Variants in LPIN2 observed in about 807,000 individuals in gnomAD.
LPIN2 encodes phosphatidate phosphatase LPIN2.
LPIN2 carries 55 observed loss-of-function variants against 111.4 expected under a neutral mutation model. The observed-to-expected ratio is 0.49, with a 90% confidence interval of 0.40 to 0.62. LPIN2 has a LOEUF of 0.62. Ranked by LOEUF, LPIN2 falls within the 20% of genes least tolerant of loss-of-function variation. The pLI, the probability that LPIN2 is intolerant of heterozygous loss-of-function variation, is 0.00. For missense variants in LPIN2, 992 were observed against 1,112.1 expected (o/e 0.89, Z 1.54); for synonymous variants, 425 against 414.0 (o/e 1.03, Z -0.32).
intron 1 of LPIN2, among the ~76,000 whole-genome samples, chr18:3,009,507 C>T (rs939156611): frequency 2.6e-5 from 4 of 151,924 alleles, no homozygotes; most frequent in Admixed American, 6.5e-5. Context: ...GACACAATCT[C>T]GGCTCACTGC....
chr18:2,954,354 C>CT, intron 3 of LPIN2, 150 bp downstream of exon 3: 1 of 664,854 alleles, frequency 1.5e-6, no homozygotes, highest in Non-Finnish European at 2.7e-6. Context: ...TTTTTGACAG[C>CT]TTAGTTCTTC....
intron 12 of LPIN2, 88 bp from the exon 13 acceptor site, chr18:2,926,893 C>T: frequency 3.1e-6 from 3 of 980,210 alleles, no homozygotes; most frequent in Middle Eastern, 2.0e-4. Flanking sequence ...GGAAAGAACA[C>T]AACTGCCTTC....
intron 2 of LPIN2, among the ~76,000 whole-genome samples, chr18:2,959,051 T>C (rs900504389): frequency 3.3e-5 from 5 of 152,352 alleles, no homozygotes; most frequent in African/African-American, 1.2e-4. Flanking sequence ...GAAAGTACTA[T>C]TGGTGTTACC....
rs1450191457 is a variant in LPIN2 at position 2,917,230 on chromosome 18, TC to T, written c.*3062del. The T allele has an allele frequency of 6.6e-6, 1 of 152,202 alleles. No individual in the cohort carries two copies. Among genetic ancestry groups the T allele is most frequent in the Admixed American group, 6.5e-5 (1 of 15,270 alleles). 9.4% of individuals were successfully genotyped at this position (152,202 alleles called of 1,614,324 possible). A position where few individuals can be genotyped will look rare whatever the true frequency, so the allele number is the denominator to read the frequency against. ...ATTATTAAAAGAGCAAAGTTTCCCC[TC>T]CCTTTCTTACTTTCAAACAAAACCA... On this transcript the variant is annotated 3_prime_UTR_variant, in exon 20 of 20. Transcript: ENST00000677752.
chr18:2,972,807 T>C (rs970420973), intron 1 of LPIN2, among the ~76,000 whole-genome samples: 1 of 152,214 alleles, frequency 6.6e-6, no homozygotes, highest in Non-Finnish European at 1.5e-5. Flanking sequence ...TCTTTAATGC[T>C]TCTCCCTTCA....
intron 1 of LPIN2, among the ~76,000 whole-genome samples, chr18:3,009,734 C>T (rs2078571204): frequency 2.0e-5 from 3 of 152,218 alleles, no homozygotes; most frequent in Non-Finnish European, 4.4e-5. Flanking sequence ...AACCACCGCA[C>T]CCAGCCTTCT....
At chr18:2,954,438 C>T (rs1336507968) in intron 3 of LPIN2, 66 bp downstream of exon 3, 3 of 1,117,278 alleles carry the variant, frequency 2.7e-6, no homozygotes, top group South Asian at 1.2e-5. Context: ...CTAAACGGTC[C>T]GTCTGGGCCA....
In LPIN2 at chr18:2,918,855, G is replaced by C. The variant is rs1305038176; in HGVS notation, c.*1438C>G. 1.3e-5 allele frequency: 2 copies of C among 152,312 alleles called. No homozygotes were observed. Among genetic ancestry groups the C allele is most frequent in the East Asian group, 3.9e-4 (2 of 5,190 alleles). The allele number at this position is 152,312 out of a possible 1,614,324, so 9.4% of individuals were successfully genotyped here. A position where few individuals can be genotyped will look rare whatever the true frequency, so the allele number is the denominator to read the frequency against. ...ATGTAGAGGTTCCACTACAACGGCA[G>C]GGGCATGAAGAGTTGGCCACGAGAC... On this transcript the variant is annotated 3_prime_UTR_variant, in exon 20 of 20. Transcript: ENST00000677752.
intron 1 of LPIN2, among the ~76,000 whole-genome samples, chr18:2,980,950 A>T (rs2078101383): frequency 6.6e-6 from 1 of 152,230 alleles, no homozygotes; most frequent in Non-Finnish European, 1.5e-5. Flanking sequence ...GGTTATTTGA[A>T]TATAAAATAA....
Position 2,988,012 on chromosome 18 carries a change from C to CAAAAAAAAAAAA in LPIN2, c.-10+25063_-10+25074dup, listed in dbSNP as rs761121515. Among the ~76,000 whole-genome samples, 292 of 32,344 alleles carry CAAAAAAAAAAAA rather than the reference C, an allele frequency of 9.0e-3. 17 individuals are homozygous for CAAAAAAAAAAAA. The highest frequency in any genetic ancestry group is 0.025 in the Middle Eastern group (1 of 40). The allele number at this position is 32,344 out of a possible 152,430, so 21.2% of individuals were successfully genotyped here. On this transcript the variant is annotated intron_variant, in intron 1 of 19. Transcript: ENST00000677752. ...TGGGCGACAGAGTGAGAGACTGTCT[C>CAAAAAAAAAAAA]AAAAAAAAAAAAAAAAAAAAAAAAA...
At chr18:2,975,043 G>A (rs564020380) in intron 1 of LPIN2, among the ~76,000 whole-genome samples, 8 of 152,108 alleles carry the variant, frequency 5.3e-5, no homozygotes, top group African/African-American at 1.2e-4. Context: ...GCCATTTTAC[G>A]TACCTCATCT....
At chr18:2,999,613 A>AG (rs2143465049) in intron 1 of LPIN2, among the ~76,000 whole-genome samples, 1 of 151,104 alleles carries the variant, frequency 6.6e-6, no homozygotes, top group East Asian at 2.0e-4. Context: ...CAAAAAGAAA[A>AG]AAAAAAAAGA....
At chr18:2,967,578 C>T (rs1358597305) in intron 1 of LPIN2, 2 of 152,202 alleles carry the variant, frequency 1.3e-5, no homozygotes, top group African/African-American at 2.4e-5. Flanking sequence ...ACAGTGTGCC[C>T]ACCAGATGCT....
At chr18:2,933,436 C>A (rs141591246) in intron 8 of LPIN2, among the ~76,000 whole-genome samples, 1 of 151,944 alleles carries the variant, frequency 6.6e-6, no homozygotes, top group East Asian at 1.9e-4. Context: ...AAAATAAAGC[C>A]GTTTCAGTTT....
intron 1 of LPIN2, among the ~76,000 whole-genome samples, chr18:2,983,860 TTATATTTC>T (rs2078148024): frequency 6.6e-6 from 1 of 152,166 alleles, no homozygotes; most frequent in Non-Finnish European, 1.5e-5. Context: ...GTGGCTCACA[TTATATTTC>T]TATTGGACAA....
intron 1 of LPIN2, among the ~76,000 whole-genome samples, chr18:2,991,511 G>C (rs2078264780): frequency 6.6e-6 from 1 of 152,088 alleles, no homozygotes; most frequent in Non-Finnish European, 1.5e-5. Flanking sequence ...AGGAGTTAGA[G>C]ACCAGTGTAG....
At chr18:2,982,156 C>T (rs1282396140) in intron 1 of LPIN2, among the ~76,000 whole-genome samples, 2 of 152,088 alleles carry the variant, frequency 1.3e-5, no homozygotes, top group Non-Finnish European at 2.9e-5. Context: ...ATACTTCAAG[C>T]TTACAAAAAT....
rs942304952 is a variant in LPIN2 at position 2,921,181 on chromosome 18, G to A, written c.2443-300C>T. On this transcript the variant is annotated intron_variant, in intron 18 of 19. Transcript: ENST00000677752. ...CCGATGGCCCTGCAGAAGGGAGGCAGGTTGGGAAGTGCTAGCGAAGGGCCA... is the reference window on the plus strand; with the variant it reads ...CCGATGGCCCTGCAGAAGGGAGGCAAGTTGGGAAGTGCTAGCGAAGGGCCA... 3 of 552,558 alleles carry A rather than the reference G, an allele frequency of 5.4e-6. No homozygotes were observed. In the Admixed American group the frequency reaches 9.3e-5, roughly 17 times the overall value. The allele number at this position is 552,558 out of a possible 1,614,324, so 34.2% of individuals were successfully genotyped here.
intron 3 of LPIN2, 150 bp downstream of exon 3, chr18:2,954,354 C>CTTAG: frequency 1.5e-6 from 1 of 664,854 alleles, no homozygotes; most frequent in Non-Finnish European, 2.7e-6. Flanking sequence ...TTTTTGACAG[C>CTTAG]TTAGTTCTTC....
Sources: allele counts gnomAD v4.1 joint callset (sites outside exome capture counted in the v4.1 genomes callset), GRCh38; gene constraint gnomAD v4.1.1; transcripts MANE v1.5; gene names NCBI Gene and HGNC (gene_info 2026-07-23, HGNC 2026-07-21).